Variants in MAST4 observed in about 807,000 individuals in gnomAD.
MAST4 encodes microtubule-associated serine/threonine-protein kinase 4.
A neutral mutation model predicts 162.7 loss-of-function variants in MAST4; 89 were observed. The observed-to-expected ratio is 0.55, with a 90% CI of 0.46 to 0.65. MAST4 has a LOEUF of 0.65. Ranked by LOEUF, MAST4 falls within the 30% of genes least tolerant of loss-of-function variation. MAST4 has a pLI of 0.00. For synonymous variants in MAST4, 1,479 were observed against 1,361.1 expected (o/e 1.09, Z -1.91); for missense variants, 3,153 against 3,374.0 (o/e 0.93, Z 1.62).
intron 5 of MAST4, among the ~76,000 whole-genome samples, chr5:67,071,453 T>G (rs1351492148): frequency 2.0e-5 from 3 of 151,638 alleles, no homozygotes; most frequent in South Asian, 4.1e-4. Context: ...AAAAGTCACT[T>G]AAAGATATAC....
At chr5:67,049,878 C>G (rs1757956622) in intron 4 of MAST4, among the ~76,000 whole-genome samples, 2 of 152,174 alleles carry the variant, frequency 1.3e-5, no homozygotes, top group South Asian at 4.1e-4. Context: ...AGGCCACAGC[C>G]TGGTGGGCTT....
At chr5:66,926,700 A>G (rs1004538909) in intron 4 of MAST4, among the ~76,000 whole-genome samples, 2 of 151,810 alleles carry the variant, frequency 1.3e-5, no homozygotes, top group Non-Finnish European at 2.9e-5. Context: ...TATTGTTCCT[A>G]TGGCTTGAAT....
At chr5:66,737,919 A>G (rs1269988669) in intron 1 of MAST4, 2 of 152,206 alleles carry the variant, frequency 1.3e-5, no homozygotes, top group Non-Finnish European at 2.9e-5. Context: ...GGATTCTTCA[A>G]GAACATAGTT....
At chr5:66,989,669 C>T (rs1400693305) in intron 4 of MAST4, among the ~76,000 whole-genome samples, 1 of 152,004 alleles carries the variant, frequency 6.6e-6, no homozygotes, top group East Asian at 1.9e-4. Flanking sequence ...CAGGGAGTTT[C>T]CAAGAATTTT....
chr5:66,649,433 T>A (rs1006178730), intron 1 of MAST4, among the ~76,000 whole-genome samples: 2 of 152,194 alleles, frequency 1.3e-5, no homozygotes, highest in African/African-American at 2.4e-5. Context: ...GGAGCAGAAG[T>A]GGGCCATACC....
chr5:66,755,070 GGGTCA>G (rs1753446124), intron 1 of MAST4, among the ~76,000 whole-genome samples: 1 of 152,132 alleles, frequency 6.6e-6, no homozygotes, highest in Non-Finnish European at 1.5e-5. Flanking sequence ...CATTTTAGAA[GGGTCA>G]CTGCTGTGGT....
chr5:67,166,230 AACAG>A lies in MAST4; in HGVS notation c.7063_7066del (p.Asp2355LysfsTer45), dbSNP rs1561213966. On this transcript the variant is annotated frameshift_variant, in exon 29 of 29. Coordinates refer to ENST00000403625, the MANE Select transcript of MAST4 (RefSeq NM_001164664.2). LOFTEE classifies it low-confidence loss of function (END_TRUNC). ...CCCCACCCTGTGCAAACAGACAGAC[AACAG>A]ACAGACAGACAAAAGCCCGAGTCAG... 4 of 1,551,858 alleles carry A rather than the reference AACAG, an allele frequency of 2.6e-6. No individual in the cohort carries two copies. The highest frequency in any genetic ancestry group is 3.5e-6 in the Non-Finnish European group (4 of 1,147,398).
Position 67,164,726 on chromosome 5 carries a change from A to G in MAST4, c.5547A>G (p.Lys1849=), listed in dbSNP as rs753934782. 1.2e-6 allele frequency: 2 copies of G among 1,614,002 alleles called. No individual in the cohort carries two copies. Among genetic ancestry groups the G allele is most frequent in the South Asian group, 2.2e-5 (2 of 91,072 alleles). ...CAGTTCTCCCCAGCAGCAGTGGGAA[A>G]AAGAACGATACCACCAGTGCAAGAG... ...VPPVLPSSSG[K]KNDTTSAREL... Residue 1849 remains lysine (K), a synonymous_variant, in exon 29 of 29, where the codon AAA becomes AAG. Coordinates refer to ENST00000403625, the MANE Select transcript of MAST4 (RefSeq NM_001164664.2). This position sits in a 1 kb window ranked among gnomAD's most constrained non-coding sequence, Gnocchi z 5.3.
intron 5 of MAST4, among the ~76,000 whole-genome samples, chr5:67,062,649 G>T (rs374616018): frequency 2.0e-5 from 3 of 152,252 alleles, no homozygotes; most frequent in African/African-American, 7.2e-5. Context: ...TAGGGAATAG[G>T]ACAAAGGAAA....
intron 1 of MAST4, among the ~76,000 whole-genome samples, chr5:66,754,010 TA>T (rs1276551507): frequency 6.6e-6 from 1 of 151,766 alleles, no homozygotes; most frequent in Non-Finnish European, 1.5e-5. Flanking sequence ...TGCAAATCAA[TA>T]AATGTAATCC....
intron 1 of MAST4, among the ~76,000 whole-genome samples, chr5:66,665,503 C>T (rs948059064): frequency 1.3e-5 from 2 of 152,204 alleles, no homozygotes; most frequent in African/African-American, 4.8e-5. Context: ...TTCTTACTAT[C>T]TTTTATTTGC....
chr5:67,004,330 G>A (rs565536755), intron 4 of MAST4, among the ~76,000 whole-genome samples: 185 of 152,330 alleles, frequency 1.2e-3, no homozygotes, highest in Middle Eastern at 3.4e-3. Context: ...AGGCCCTGCC[G>A]CCTCCTCCCA....
chr5:66,727,665 A>C (rs767914840), intron 1 of MAST4, among the ~76,000 whole-genome samples: 6 of 152,184 alleles, frequency 3.9e-5, no homozygotes, highest in Non-Finnish European at 7.4e-5. Context: ...TTTGTGTTGC[A>C]GATGTCATTT....
chr5:67,078,127 AAAAATGTGGATACATTTGG>A (rs1178954859), intron 5 of MAST4, among the ~76,000 whole-genome samples: 1 of 152,124 alleles, frequency 6.6e-6, no homozygotes, highest in Non-Finnish European at 1.5e-5. Flanking sequence ...ATAACTAGAA[AAAAATGTGGATACATTTGG>A]AAAATAATTT....
At chr5:66,727,195 A>G (rs1262903916) in intron 1 of MAST4, among the ~76,000 whole-genome samples, 1 of 152,216 alleles carries the variant, frequency 6.6e-6, no homozygotes, top group Non-Finnish European at 1.5e-5. Context: ...CCTGGTACAC[A>G]TGCTACCAAC....
chr5:67,162,798 T>A lies in MAST4; in HGVS notation c.3967+10T>A, dbSNP rs746194859. 1 of 1,612,676 alleles carries A rather than the reference T, an allele frequency of 6.2e-7. No homozygotes were observed. The highest frequency in any genetic ancestry group is 1.1e-5 in the South Asian group (1 of 90,942). On this transcript the variant is annotated intron_variant, in intron 28 of 28. Transcript: ENST00000403625. ...CCTGACTTCCCATCTGGTGAGTGAG[T>A]CTCCTGGTCTAAACAGCAGAGGGGA...
At chr5:66,759,270 A>G (rs1332489190) in intron 1 of MAST4, among the ~76,000 whole-genome samples, 1 of 152,216 alleles carries the variant, frequency 6.6e-6, no homozygotes, top group East Asian at 1.9e-4. Flanking sequence ...GACAATCTTC[A>G]ATTTTGGGGG....
At position 67,100,521 on chromosome 5, in the gene MAST4, T is replaced by C. The variant is rs778027356; in HGVS notation, c.999T>C (p.Cys333=). ...DELHFLSKHF[C]TTESIATENR... ...TACACTTCTTATCAAAACATTTCTG[T>C]ACCACCGAAAGCATCGCCACTGAGA... The change falls in exon 8 of 29, where the codon TGT becomes TGC. Residue 333 remains cysteine, a synonymous_variant. Coordinates refer to ENST00000403625, the MANE Select transcript of MAST4 (RefSeq NM_001164664.2). The C allele has an allele frequency of 1.9e-6, 3 of 1,613,938 alleles. No homozygotes were observed. Among genetic ancestry groups the C allele is most frequent in the Non-Finnish European group, 2.5e-6 (3 of 1,179,842 alleles).
At chr5:67,022,895 A>G (rs1031982412) in intron 4 of MAST4, among the ~76,000 whole-genome samples, 39 of 151,468 alleles carry the variant, frequency 2.6e-4, no homozygotes, top group Admixed American at 8.6e-4. Context: ...TTTAAGTTTC[A>G]TATTTCCCCT....
Sources: gnomAD v4.1 joint callset for allele counts (sites outside exome capture counted in the v4.1 genomes callset) on GRCh38, gnomAD v4.1.1 for gene constraint, Gnocchi (gnomAD v3.1) non-coding constraint, MANE v1.5 for transcripts, NCBI Gene and HGNC (gene_info 2026-07-23, HGNC 2026-07-21) for gene names.